Variants in GLYR1 observed in about 807,000 individuals in gnomAD.
GLYR1 encodes glyoxylate reductase 1 homolog.
GLYR1 carries 21 observed loss-of-function variants against 72.7 expected under a neutral mutation model. The ratio of observed to expected loss-of-function variants is 0.29; its 90% CI spans 0.20 to 0.42. GLYR1 has a LOEUF of 0.42. Among genes scored for constraint, GLYR1 ranks in the 10% least tolerant of loss-of-function variants. GLYR1 has a pLI of 1.00. For missense variants in GLYR1, 594 were observed against 712.1 expected, an observed-to-expected ratio of 0.83 and a Z score of 1.89; for synonymous variants, 392 against 270.2, an observed-to-expected ratio of 1.45 and a Z score of -4.42.
In GLYR1 at chr16:4,845,102, A is replaced by G. The variant is rs1390563740; in HGVS notation, c.127T>C (p.Phe43Leu). ...TCTTCTGTTCCAAAAAATTTCACAAAGAAGCATTTCTTTCCGCGAGGTTTC... is the reference window on the plus strand; with the variant it reads ...TCTTCTGTTCCAAAAAATTTCACAAGGAAGCATTTCTTTCCGCGAGGTTTC... ...LKKPRGKKCFFVKFFGTEDHA... is the reference protein window; with the variant it reads ...LKKPRGKKCFLVKFFGTEDHA... Residue 43 changes from phenylalanine (F) to leucine (L), a missense_variant, in exon 3 of 16, where the codon TTT becomes CTT. Transcript: ENST00000321919. 6.2e-7 allele frequency: 1 copy of G among 1,614,034 alleles called. No homozygotes were observed. The highest frequency in any genetic ancestry group is 8.5e-7 in the Non-Finnish European group (1 of 1,179,888).
At chr16:4,818,164 T>G (rs2083774168) in intron 9 of GLYR1, among the ~76,000 whole-genome samples, 1 of 152,072 alleles carries the variant, frequency 6.6e-6, no homozygotes, top group South Asian at 2.1e-4. Context: ...CCAGCTAATT[T>G]TTGTATTTTT....
At chr16:4,842,941 C>G (rs2085672569) in intron 3 of GLYR1, among the ~76,000 whole-genome samples, 1 of 152,172 alleles carries the variant, frequency 6.6e-6, no homozygotes, top group Admixed American at 6.5e-5. Flanking sequence ...GTTAAGCAAT[C>G]TGCCTGCCCC....
At chr16:4,844,425 C>G (rs374825668) in intron 3 of GLYR1, among the ~76,000 whole-genome samples, 1 of 152,220 alleles carries the variant, frequency 6.6e-6, no homozygotes, top group South Asian at 2.1e-4. Flanking sequence ...ATACCCCAAG[C>G]ATGAACCATA....
intron 12 of GLYR1, among the ~76,000 whole-genome samples, chr16:4,813,259 G>A (rs183187694): frequency 1.1e-4 from 17 of 152,284 alleles, no homozygotes; most frequent in South Asian, 2.1e-4. Flanking sequence ...CACCGCGCCC[G>A]GACTGGAATT....
chr16:4,842,266 A>C (rs540151890), intron 3 of GLYR1, among the ~76,000 whole-genome samples: 358 of 151,894 alleles, frequency 2.4e-3, no homozygotes, highest in East Asian at 0.016. Context: ...ACAACAACAA[A>C]AAAAAACAAA....
intron 5 of GLYR1, among the ~76,000 whole-genome samples, chr16:4,830,662 C>T (rs1186629286): frequency 6.6e-6 from 1 of 152,216 alleles, no homozygotes; most frequent in Non-Finnish European, 1.5e-5. Flanking sequence ...CTTCTGTTCT[C>T]TTTATCCTGC....
intron 15 of GLYR1, among the ~76,000 whole-genome samples, chr16:4,810,332 A>G (rs1157406954): frequency 2.7e-5 from 4 of 148,588 alleles, no homozygotes; most frequent in African/African-American, 9.8e-5. Flanking sequence ...CCCCATCTCT[A>G]CTAAAAATAC....
chr16:4,847,256 C>T lies in GLYR1; in HGVS notation c.10G>A (p.Val4Met). The T allele has an allele frequency of 6.2e-7, 1 of 1,610,200 alleles. No individual in the cohort carries two copies. Among genetic ancestry groups the T allele is most frequent in the Non-Finnish European group, 8.5e-7 (1 of 1,179,042 alleles). Residue 4 changes from valine (V) to methionine (M), a missense_variant, in exon 1 of 16, where the codon GTG (valine) becomes ATG (methionine). Around this residue, in one of 5 missense-constraint regions of GLYR1, gnomAD observed 62 missense variants for 82.5 expected, o/e 0.75. Coordinates refer to ENST00000321919, the MANE Select transcript of GLYR1 (RefSeq NM_032569.4). Reference sequence around the variant, plus strand: ...ACCAAGTCGCCGAGCCGCAGACTCACAGCCGCCATCTTACCACCCAACCAC... The same window carrying T: ...ACCAAGTCGCCGAGCCGCAGACTCATAGCCGCCATCTTACCACCCAACCAC... The part of the protein sequence containing the change: MAA[V>M]SLRLGDLVWG...
chr16:4,818,142 A>G (rs1021408992), intron 9 of GLYR1, among the ~76,000 whole-genome samples: 4 of 151,968 alleles, frequency 2.6e-5, no homozygotes, highest in African/African-American at 4.8e-5. Flanking sequence ...TTACAGGCGC[A>G]CGCCACCATG....
chr16:4,844,392 A>T (rs1280892080), intron 3 of GLYR1, among the ~76,000 whole-genome samples: 5 of 152,258 alleles, frequency 3.3e-5, no homozygotes, highest in Non-Finnish European at 4.4e-5. Context: ...ACTTTTATTA[A>T]CATAAATAAA....
At chr16:4,818,212 C>A (rs1047860839) in intron 9 of GLYR1, among the ~76,000 whole-genome samples, 43 of 152,192 alleles carry the variant, frequency 2.8e-4, no homozygotes, top group African/African-American at 1.0e-3. Context: ...CCAGGCTGGT[C>A]TCAAACTCCT....
chr16:4,812,360 G>C (rs537668678), intron 12 of GLYR1, 112 bp from the exon 13 acceptor site: 1 of 1,201,092 alleles, frequency 8.3e-7, no homozygotes, highest in African/African-American at 1.5e-5. Context: ...TCCAGAGCTG[G>C]AGGGGACGGC....
Position 4,803,873 on chromosome 16 carries a change from G to A in GLYR1, c.*1363C>T, listed in dbSNP as rs1230881015. 6.6e-6 allele frequency: 1 copy of A among 152,172 alleles called. No individual in the cohort carries two copies. The highest frequency in any genetic ancestry group is 2.4e-5 in the African/African-American group (1 of 41,412). The allele number at this position is 152,172 out of a possible 1,614,324, so 9.4% of individuals were successfully genotyped here. A position where few individuals can be genotyped will look rare whatever the true frequency, so the allele number is the denominator to read the frequency against. ...TTTGGAAAATCCAACCCATGCAGAG[G>A]GATAAAAAACTGACATCCCTTGGGT... On this transcript the variant is annotated 3_prime_UTR_variant, in exon 16 of 16. Coordinates refer to ENST00000321919, the MANE Select transcript of GLYR1 (RefSeq NM_032569.4).
rs1216892479 is a variant in GLYR1, at chr16:4,837,937, AAAT to A, written c.156-5028_156-5026del. On this transcript the variant is annotated intron_variant, in intron 3 of 15. Transcript: ENST00000321919. Reference sequence around the variant, plus strand: ...AGAGCGAGACTCCATCTCAAAAAATAAATAAATAAATAAATAAATAAATAAATA... The same window carrying A: ...AGAGCGAGACTCCATCTCAAAAAATAAAATAAATAAATAAATAAATAAATA... 6.6e-3 allele frequency among the ~76,000 whole-genome samples: 433 copies of A among 66,014 alleles called. 3 individuals are homozygous for A. The highest frequency in any genetic ancestry group is 8.6e-3 in the Non-Finnish European group (291 of 33,758). The allele number at this position is 66,014 out of a possible 152,430, so 43.3% of individuals were successfully genotyped here.
At position 4,832,463 on chromosome 16, in the gene GLYR1, T is replaced by C. The variant is rs1157645756; in HGVS notation, c.295-242A>G. ...AAAGGATTTAAATCTAGGCAGTATA[T>C]GTATTTCAGAGGCTATGCTCCTAAT... is the stretch of plus-strand genomic sequence containing the variant. On this transcript the variant is annotated intron_variant, in intron 4 of 15. Coordinates refer to ENST00000321919, the MANE Select transcript of GLYR1 (RefSeq NM_032569.4). 4 of 595,452 alleles carry C rather than the reference T, an allele frequency of 6.7e-6. No homozygotes were observed. The African/African-American group carries it at 7.4e-5, about 11-fold the overall frequency. 36.9% of individuals were successfully genotyped at this position (595,452 alleles called of 1,614,324 possible). A position where few individuals can be genotyped will look rare whatever the true frequency, so the allele number is the denominator to read the frequency against.
intron 11 of GLYR1, among the ~76,000 whole-genome samples, chr16:4,814,121 G>T (rs1395379103): frequency 6.6e-6 from 1 of 151,442 alleles, no homozygotes; most frequent in Non-Finnish European, 1.5e-5. Flanking sequence ...TTTACTTTGG[G>T]GACTTCTTTG....
chr16:4,828,703 G>C (rs1016171105), intron 5 of GLYR1, among the ~76,000 whole-genome samples: 1 of 152,074 alleles, frequency 6.6e-6, no homozygotes, highest in Non-Finnish European at 1.5e-5. Flanking sequence ...TGTTCTAAGT[G>C]CTGTGTCCAT....
In GLYR1 at chr16:4,846,158, G is replaced by A. The variant is rs771123868; in HGVS notation, c.75+16C>T. On this transcript the variant is annotated intron_variant, in intron 2 of 15. Coordinates refer to ENST00000321919, the MANE Select transcript of GLYR1 (RefSeq NM_032569.4). ...ACCCAACTTCAGATCTCTTCCTTTA[G>A]TAGCAAGACACTCACCTTTCCTGGC... 20 of 1,613,406 alleles carry A rather than the reference G, an allele frequency of 1.2e-5. No homozygotes were observed. In the South Asian group the frequency reaches 2.1e-4, roughly 17 times the overall value.
chr16:4,846,139 C>G (rs748061616), intron 2 of GLYR1, 35 bp downstream of exon 2: 1 of 1,612,422 alleles, frequency 6.2e-7, no homozygotes, highest in Non-Finnish European at 8.5e-7. Flanking sequence ...TCAAACCCAA[C>G]TTCAGATCTC....
Sources: allele counts gnomAD v4.1 joint callset (sites outside exome capture counted in the v4.1 genomes callset), GRCh38; gene constraint gnomAD v4.1.1; regional missense constraint gnomAD v4.1.1; transcripts MANE v1.5; gene names NCBI Gene and HGNC (gene_info 2026-07-23, HGNC 2026-07-21).